Variants in AMN1 observed in about 807,000 individuals in gnomAD.
AMN1 encodes the protein antagonist of mitotic exit network 1 homolog.
Under a neutral mutation model 33.0 loss-of-function variants are expected in AMN1, and 20 were observed. That is an observed-to-expected ratio of 0.61 (90% CI 0.43 to 0.88). The LOEUF (loss-of-function observed/expected upper bound fraction) is 0.88. Ranked by LOEUF, AMN1 falls within the 40% of genes least tolerant of loss-of-function variation. AMN1 has a pLI of 0.00. For synonymous variants in AMN1, 114 were observed against 111.9 expected (o/e 1.02, Z -0.12); for missense variants, 246 against 307.4 (o/e 0.80, Z 1.49).
At chr12:31,674,002 G>A (rs1951334332) in intron 6 of AMN1, among the ~76,000 whole-genome samples, 1 of 151,954 alleles carries the variant, frequency 6.6e-6, no homozygotes, top group Non-Finnish European at 1.5e-5. Flanking sequence ...CTTTTTAGAG[G>A]AAAGTCTTAT....
chr12:31,690,513 T>G (rs1286408835), intron 5 of AMN1, among the ~76,000 whole-genome samples: 3 of 152,338 alleles, frequency 2.0e-5, no homozygotes, highest in African/African-American at 7.2e-5. Context: ...TCACAAATGA[T>G]GTTGAGCATT....
chr12:31,680,546 T>A (rs932238202), intron 6 of AMN1, among the ~76,000 whole-genome samples: 3 of 152,228 alleles, frequency 2.0e-5, no homozygotes, highest in African/African-American at 4.8e-5. Flanking sequence ...AGTTTTTATC[T>A]CTTCTGCAGA....
intron 6 of AMN1, among the ~76,000 whole-genome samples, chr12:31,682,960 A>T (rs1463630620): frequency 3.1e-5 from 4 of 130,892 alleles, no homozygotes; most frequent in Admixed American, 1.5e-4. Flanking sequence ...GGGGTATGCT[A>T]TTCTTTTTTT....
intron 2 of AMN1, among the ~76,000 whole-genome samples, chr12:31,705,619 T>C (rs959528220): frequency 3.3e-5 from 5 of 151,922 alleles, no homozygotes; most frequent in African/African-American, 7.3e-5. Context: ...AATTGTGGAG[T>C]CCTAATTAGG....
intron 6 of AMN1, chr12:31,673,189 C>T (rs890372578): frequency 6.6e-6 from 1 of 150,564 alleles, no homozygotes; most frequent in African/African-American, 2.4e-5. Context: ...TTATGTACAA[C>T]ATATCTCTAA....
rs1191532850 is a variant in AMN1 at position 31,678,954 on chromosome 12, C to CT, written c.704-6578dup. 7.2e-5 allele frequency among the ~76,000 whole-genome samples: 11 copies of CT among 152,110 alleles called. 1 individual carries two copies. The East Asian group carries it at 1.5e-3, about 21-fold the overall frequency. ...ATATGAAATAAAAAAATGAGTTCTC[C>CT]TTTAAGCAAGGAACCAGCTTTAATT... is the stretch of plus-strand genomic sequence containing the variant. On this transcript the variant is annotated intron_variant, in intron 6 of 6. Transcript: ENST00000281471.
intron 1 of AMN1, among the ~76,000 whole-genome samples, chr12:31,710,089 A>G (rs1429317172): frequency 6.6e-6 from 1 of 152,238 alleles, no homozygotes; most frequent in Non-Finnish European, 1.5e-5. Context: ...TTAATCCAGC[A>G]AACTTGTTTT....
At chr12:31,721,054 G>A (rs1939861806) in intron 1 of AMN1, among the ~76,000 whole-genome samples, 1 of 152,146 alleles carries the variant, frequency 6.6e-6, no homozygotes, top group South Asian at 2.1e-4. Context: ...CATTTATTTG[G>A]TTGAGCCACA....
intron 6 of AMN1, among the ~76,000 whole-genome samples, chr12:31,677,067 G>A (rs1937749468): frequency 6.6e-6 from 1 of 150,620 alleles, no homozygotes; most frequent in South Asian, 2.1e-4. Context: ...GGGAGGACGA[G>A]ACGGGCGGAT....
intron 1 of AMN1, 89 bp downstream of exon 1, chr12:31,728,882 A>AGGGGCGGGGAGGAAGAGC: frequency 8.4e-7 from 1 of 1,188,652 alleles, no homozygotes; most frequent in Non-Finnish European, 1.1e-6. Flanking sequence ...GGGGTGGGAA[A>AGGGGCGGGGAGGAAGAGC]GGGGCGGGGA....
chr12:31,704,405 G>C (rs922669045), intron 2 of AMN1, among the ~76,000 whole-genome samples: 21 of 151,168 alleles, frequency 1.4e-4, no homozygotes, highest in Admixed American at 4.0e-4. Flanking sequence ...TTTCTTATTG[G>C]CTTGGAGGGA....
intron 1 of AMN1, among the ~76,000 whole-genome samples, chr12:31,725,141 C>T (rs1015918577): frequency 6.6e-6 from 1 of 152,162 alleles, no homozygotes. Context: ...TAGTTTAAAA[C>T]GGATGGACAC....
intron 6 of AMN1, among the ~76,000 whole-genome samples, chr12:31,676,899 A>C (rs1937739282): frequency 6.6e-6 from 1 of 151,820 alleles, no homozygotes; most frequent in Non-Finnish European, 1.5e-5. Flanking sequence ...AGTATTTAGG[A>C]CTGTGGGTTT....
Position 31,697,914 on chromosome 12 carries a change from A to C in AMN1, c.360T>G (p.Ala120=). 6.2e-7 allele frequency: 1 copy of C among 1,614,046 alleles called. No homozygotes were observed. Among genetic ancestry groups the C allele is most frequent in the Non-Finnish European group, 8.5e-7 (1 of 1,179,892 alleles). The change falls in exon 4 of 7, where the codon GCT becomes GCG. Residue 120 remains alanine (A), a synonymous_variant. Transcript: ENST00000281471. The part of the protein sequence containing the change: ...VASSCSYLHE[A]SLKRCCNLTD... Reference sequence around the variant, plus strand: ...TGAGATTGCAGCATCTTTTCAAAGAAGCTTCGTGTAGGTATGAACAAGATG... The same window carrying C: ...TGAGATTGCAGCATCTTTTCAAAGACGCTTCGTGTAGGTATGAACAAGATG...
At chr12:31,684,756 C>T (rs1938178090) in intron 6 of AMN1, among the ~76,000 whole-genome samples, 1 of 152,138 alleles carries the variant, frequency 6.6e-6, no homozygotes, top group African/African-American at 2.4e-5. Context: ...CCGGCGTGAG[C>T]CACCGCGCCC....
At chr12:31,717,886 G>A (rs894938358) in intron 1 of AMN1, among the ~76,000 whole-genome samples, 5 of 151,610 alleles carry the variant, frequency 3.3e-5, no homozygotes, top group South Asian at 2.1e-4. Context: ...CCAACCCCCC[G>A]ACAGGCCCCA....
chr12:31,685,792 C>T (rs1302329516), intron 6 of AMN1, among the ~76,000 whole-genome samples: 1 of 31,794 alleles, frequency 3.1e-5, no homozygotes, highest in East Asian at 7.1e-4. Flanking sequence ...CAGAGCAAGA[C>T]TCATTATCAA....
At chr12:31,694,796 A>C (rs909321474) in intron 5 of AMN1, among the ~76,000 whole-genome samples, 1 of 152,068 alleles carries the variant, frequency 6.6e-6, no homozygotes, top group African/African-American at 2.4e-5. Flanking sequence ...GGATGCTATA[A>C]ACCAAAGGTT....
chr12:31,693,298 C>T (rs1035584467), intron 5 of AMN1, among the ~76,000 whole-genome samples: 2 of 151,064 alleles, frequency 1.3e-5, no homozygotes, highest in Middle Eastern at 3.6e-3. Context: ...AGTGCAATTG[C>T]GTGATCTTAG....
Sources: gnomAD v4.1 joint callset for allele counts (sites outside exome capture counted in the v4.1 genomes callset) on GRCh38, gnomAD v4.1.1 for gene constraint, MANE v1.5 for transcripts, NCBI Gene and HGNC (gene_info 2026-07-23, HGNC 2026-07-21) for gene names.